TBCK: variants seen among roughly 807,000 people sequenced by gnomAD.
TBCK encodes TBC domain-containing protein kinase-like protein.
Under a neutral mutation model 113.4 loss-of-function variants are expected in TBCK, and 99 were observed. That is an observed-to-expected ratio of 0.87 (90% CI 0.74 to 1.03). The LOEUF is 1.03. Among genes scored for constraint, TBCK ranks in the 50% least tolerant of loss-of-function variants. TBCK has a pLI of 0.00. For synonymous variants in TBCK, 369 were observed against 370.8 expected, an observed-to-expected ratio of 1.00 and a Z score of 0.05; for missense variants, 1,045 against 1,061.3, an observed-to-expected ratio of 0.98 and a Z score of 0.21.
intron 24 of TBCK, among the ~76,000 whole-genome samples, chr4:106,105,618 A>C (rs926948801): frequency 6.6e-6 from 1 of 152,242 alleles, no homozygotes; most frequent in Non-Finnish European, 1.5e-5. Flanking sequence ...CACCTGCTGG[A>C]TAAACCCCAA....
At chr4:106,165,897 T>C (rs1750313303) in intron 23 of TBCK, among the ~76,000 whole-genome samples, 1 of 151,754 alleles carries the variant, frequency 6.6e-6, no homozygotes, top group Admixed American at 6.6e-5. Flanking sequence ...TTTTCTATTA[T>C]AAAACTCTGC....
intron 22 of TBCK, among the ~76,000 whole-genome samples, chr4:106,173,720 T>C (rs2149747599): frequency 6.6e-6 from 1 of 152,220 alleles, no homozygotes; most frequent in East Asian, 1.9e-4. Context: ...TTCACTTGAC[T>C]CATGTCACCT....
chr4:106,275,981 A>G (rs548264353), intron 3 of TBCK, among the ~76,000 whole-genome samples: 4 of 152,304 alleles, frequency 2.6e-5, no homozygotes, highest in Non-Finnish European at 4.4e-5. Context: ...ACAGAAGAAC[A>G]AAATTGGAAA....
At chr4:106,178,435 T>C (rs1202928519) in intron 22 of TBCK, among the ~76,000 whole-genome samples, 1 of 151,926 alleles carries the variant, frequency 6.6e-6, no homozygotes, top group African/African-American at 2.4e-5. Context: ...CCCTATTCAG[T>C]GTAGTAGCTG....
intron 2 of TBCK, among the ~76,000 whole-genome samples, chr4:106,303,865 C>T (rs72878545): frequency 0.027 from 4,116 of 152,206 alleles, 180 homozygotes; most frequent in African/African-American, 0.094. Flanking sequence ...TAAGGGTTTT[C>T]GTGTCCTCTG....
intron 23 of TBCK, among the ~76,000 whole-genome samples, chr4:106,141,924 T>A (rs1283795596): frequency 7.1e-6 from 1 of 141,226 alleles, no homozygotes; most frequent in Non-Finnish European, 1.6e-5. Flanking sequence ...ATAATTATAA[T>A]CTTAACTCTT....
chr4:106,181,156 T>C (rs956031697), intron 22 of TBCK, among the ~76,000 whole-genome samples: 1 of 152,214 alleles, frequency 6.6e-6, no homozygotes, highest in African/African-American at 2.4e-5. Flanking sequence ...GTTGGCTGCA[T>C]AAATGTCTTC....
intron 20 of TBCK, among the ~76,000 whole-genome samples, chr4:106,195,881 TCTC>T (rs1368253214): frequency 6.6e-6 from 1 of 152,012 alleles, no homozygotes; most frequent in Non-Finnish European, 1.5e-5. Flanking sequence ...TCATAATAAA[TCTC>T]CTCTATCTAT....
intron 3 of TBCK, among the ~76,000 whole-genome samples, chr4:106,294,646 T>TA (rs1766089037): frequency 6.6e-6 from 1 of 151,986 alleles, no homozygotes; most frequent in Admixed American, 6.6e-5. Context: ...CACGTCCAGC[T>TA]AATTTTTTGT....
intron 25 of TBCK, among the ~76,000 whole-genome samples, chr4:106,076,414 TGTG>T (rs1438688812): frequency 3.9e-5 from 6 of 152,192 alleles, no homozygotes; most frequent in Admixed American, 3.9e-4. Flanking sequence ...GCAGCAGTAT[TGTG>T]GTAGCAGTAA....
At chr4:106,228,648 G>T (rs933242531) in intron 19 of TBCK, among the ~76,000 whole-genome samples, 3 of 151,982 alleles carry the variant, frequency 2.0e-5, no homozygotes, top group African/African-American at 7.2e-5. Context: ...CTTGTCTGTT[G>T]ATGGACACTT....
At chr4:106,219,261 C>T (rs1468811238) in intron 19 of TBCK, among the ~76,000 whole-genome samples, 2 of 150,292 alleles carry the variant, frequency 1.3e-5, no homozygotes, top group African/African-American at 4.9e-5. Flanking sequence ...GGGAGATATA[C>T]CTAATGCTAG....
At chr4:106,106,377 A>G (rs182510571) in intron 24 of TBCK, among the ~76,000 whole-genome samples, 151 of 152,314 alleles carry the variant, frequency 9.9e-4, no homozygotes, top group Non-Finnish European at 1.6e-3. Context: ...AAAGAAGGTT[A>G]AAGGCATCTA....
At chr4:106,211,145 C>T (rs1469323493) in intron 20 of TBCK, among the ~76,000 whole-genome samples, 1 of 151,912 alleles carries the variant, frequency 6.6e-6, no homozygotes, top group African/African-American at 2.4e-5. Context: ...TAATTAGGTG[C>T]CTTTACAAAA....
At chr4:106,306,014 T>C (rs1376191991) in intron 2 of TBCK, among the ~76,000 whole-genome samples, 1 of 152,158 alleles carries the variant, frequency 6.6e-6, no homozygotes, top group Non-Finnish European at 1.5e-5. Context: ...CTTTTATTCC[T>C]TCACTTTCCT....
At chr4:106,120,514 G>C (rs867228361) in intron 23 of TBCK, among the ~76,000 whole-genome samples, 1 of 152,140 alleles carries the variant, frequency 6.6e-6, no homozygotes, top group Admixed American at 6.5e-5. Context: ...CTGGGGGCAG[G>C]GTACAGACAA....
At chr4:106,123,035 G>A (rs979442239) in intron 23 of TBCK, among the ~76,000 whole-genome samples, 1 of 152,182 alleles carries the variant, frequency 6.6e-6, no homozygotes, top group African/African-American at 2.4e-5. Context: ...GGGCAATTAG[G>A]CAGGAGAAAG....
chr4:106,086,154 T>C (rs532174637), intron 25 of TBCK, among the ~76,000 whole-genome samples: 1 of 151,982 alleles, frequency 6.6e-6, no homozygotes, highest in South Asian at 2.1e-4. Flanking sequence ...TCCAGGAGCT[T>C]TTTTTTGAAA....
At chr4:106,089,221 C>G (rs1739897294) in intron 25 of TBCK, among the ~76,000 whole-genome samples, 1 of 151,994 alleles carries the variant, frequency 6.6e-6, no homozygotes, top group Non-Finnish European at 1.5e-5. Context: ...GGAGGTGGAG[C>G]CAGGCTCCTT....
Sources: allele counts gnomAD v4.1 joint callset (sites outside exome capture counted in the v4.1 genomes callset), GRCh38; gene constraint gnomAD v4.1.1; transcripts MANE v1.5; gene names NCBI Gene and HGNC (gene_info 2026-07-23, HGNC 2026-07-21).